Variants in PLPP4 observed in about 807,000 individuals in gnomAD.
PLPP4 encodes the protein phospholipid phosphatase 4, also known as diacylglycerol pyrophosphate like 2.
A neutral mutation model predicts 32.2 loss-of-function variants in PLPP4; 20 were observed. That is an observed-to-expected ratio of 0.62 (90% CI 0.44 to 0.90). The LOEUF (loss-of-function observed/expected upper bound fraction) is 0.90. PLPP4 is among the 40% of genes least tolerant of loss of function. The probability of loss-of-function intolerance (pLI) is 0.00; values close to 1 mark genes in which losing one functional copy is unlikely to be tolerated. For missense variants in PLPP4, 257 were observed against 353.1 expected (o/e 0.73, Z 2.18); for synonymous variants, 127 against 133.0 (o/e 0.95, Z 0.31).
At chr10:120,547,213 C>G (rs1847667047) in intron 5 of PLPP4, among the ~76,000 whole-genome samples, 1 of 150,900 alleles carries the variant, frequency 6.6e-6, no homozygotes, top group African/African-American at 2.4e-5. Context: ...TTAGTTAAAC[C>G]CTAATATTTC....
At chr10:120,466,855 C>G (rs924019793) in intron 1 of PLPP4, among the ~76,000 whole-genome samples, 2 of 152,142 alleles carry the variant, frequency 1.3e-5, no homozygotes, top group African/African-American at 4.8e-5. Flanking sequence ...GTGCTAAAGC[C>G]AGTCTCTTTT....
chr10:120,525,252 T>C (rs1846337489), intron 5 of PLPP4, among the ~76,000 whole-genome samples: 1 of 152,196 alleles, frequency 6.6e-6, no homozygotes, highest in Non-Finnish European at 1.5e-5. Context: ...TTTACTAACC[T>C]TGCAGTCGCC....
At chr10:120,549,472 A>AG (rs1847788004) in intron 5 of PLPP4, among the ~76,000 whole-genome samples, 1 of 151,898 alleles carries the variant, frequency 6.6e-6, no homozygotes, top group African/African-American at 2.4e-5. Flanking sequence ...CTTTCAAAAA[A>AG]GCCAGAAGAA....
intron 6 of PLPP4, among the ~76,000 whole-genome samples, chr10:120,579,868 G>T (rs1849400984): frequency 6.6e-6 from 1 of 151,678 alleles, no homozygotes; most frequent in Non-Finnish European, 1.5e-5. Flanking sequence ...AGCACTTTGG[G>T]AGGCCGAGGC....
intron 3 of PLPP4, among the ~76,000 whole-genome samples, chr10:120,517,172 A>G (rs910704919): frequency 1.3e-5 from 2 of 152,174 alleles, no homozygotes; most frequent in Admixed American, 1.3e-4. Context: ...TTGGCTAGGG[A>G]TGCTTGTTCC....
Position 120,504,622 on chromosome 10 carries a change from AAG to A in PLPP4, c.165+698_165+699del, listed in dbSNP as rs1341684227. Among the ~76,000 whole-genome samples the A allele has an allele frequency of 9.3e-4, 141 of 152,356 alleles. 3 individuals carry two copies. Among genetic ancestry groups the A allele is most frequent in the Non-Finnish European group, 1.3e-4 (9 of 68,038 alleles). ...CTAGTGCCTATTTTATTTTTAAACT[AAG>A]ACGAGCTTTGAAGAGGAACTTTTCT... On this transcript the variant is annotated intron_variant, in intron 2 of 6. Transcript: ENST00000398250.
intron 5 of PLPP4, among the ~76,000 whole-genome samples, chr10:120,570,691 C>A (rs1848894287): frequency 6.6e-6 from 1 of 152,088 alleles, no homozygotes; most frequent in Non-Finnish European, 1.5e-5. Context: ...ATGACTAGAC[C>A]TTTCTTTACA....
intron 1 of PLPP4, among the ~76,000 whole-genome samples, chr10:120,478,153 T>C (rs2182515): frequency 0.64 from 97,808 of 152,102 alleles, 34,227 homozygotes; most frequent in Admixed American, 0.77. Flanking sequence ...AAGGTGACAG[T>C]GGGCTTGTGT....
chr10:120,578,020 G>A (rs561552543), intron 6 of PLPP4, among the ~76,000 whole-genome samples: 4 of 152,320 alleles, frequency 2.6e-5, no homozygotes, highest in African/African-American at 9.6e-5. Flanking sequence ...GACTAGGGAT[G>A]CTACTAAATG....
chr10:120,561,060 A>G (rs1287124391), intron 5 of PLPP4, among the ~76,000 whole-genome samples: 1 of 152,208 alleles, frequency 6.6e-6, no homozygotes, highest in East Asian at 1.9e-4. Context: ...CTCTCACCAT[A>G]TAGGTAAACC....
chr10:120,577,569 A>C (rs1304424416), intron 6 of PLPP4, among the ~76,000 whole-genome samples: 1 of 152,232 alleles, frequency 6.6e-6, no homozygotes, highest in East Asian at 1.9e-4. Flanking sequence ...AACTATGAGC[A>C]GTCAAGGGAG....
At position 120,572,732 on chromosome 10, in the gene PLPP4, C is replaced by T. The variant is rs368969553; in HGVS notation, c.446-2399C>T. Reference sequence around the variant, plus strand: ...ATACCAATGGGATCCAACTCTCCAGCCTCCTCTCCCACTGGAATACCTCAA... The same window carrying T: ...ATACCAATGGGATCCAACTCTCCAGTCTCCTCTCCCACTGGAATACCTCAA... On this transcript the variant is annotated intron_variant, in intron 5 of 6. Coordinates refer to ENST00000398250, the MANE Select transcript of PLPP4 (RefSeq NM_001030059.3). Among the ~76,000 whole-genome samples the T allele has an allele frequency of 1.6e-4, 25 of 152,290 alleles. 1 individual carries two copies. Among genetic ancestry groups the T allele is most frequent in the African/African-American group, 6.0e-4 (25 of 41,570 alleles).
intron 1 of PLPP4, among the ~76,000 whole-genome samples, chr10:120,480,106 T>C (rs2133814485): frequency 6.6e-6 from 1 of 152,316 alleles, no homozygotes. Flanking sequence ...AGCTGCAGGG[T>C]TCAGGTGCTG....
intron 5 of PLPP4, among the ~76,000 whole-genome samples, chr10:120,536,940 T>C (rs1847058908): frequency 6.6e-6 from 1 of 152,134 alleles, no homozygotes; most frequent in African/African-American, 2.4e-5. Flanking sequence ...CCAACAGATA[T>C]ATTAACAGCA....
chr10:120,481,271 A>C (rs1406182009), intron 1 of PLPP4, among the ~76,000 whole-genome samples: 1 of 152,168 alleles, frequency 6.6e-6, no homozygotes, highest in Non-Finnish European at 1.5e-5. Context: ...ACCAGAATAC[A>C]AAAGGATGTG....
At chr10:120,547,668 C>T (rs184467439) in intron 5 of PLPP4, among the ~76,000 whole-genome samples, 49 of 152,214 alleles carry the variant, frequency 3.2e-4, no homozygotes, top group African/African-American at 9.4e-4. Flanking sequence ...CTGTATTTAT[C>T]GCAGTTTCAT....
intron 1 of PLPP4, among the ~76,000 whole-genome samples, chr10:120,499,620 A>C (rs1845144007): frequency 6.6e-6 from 1 of 152,148 alleles, no homozygotes; most frequent in Non-Finnish European, 1.5e-5. Flanking sequence ...CTTGTGACTC[A>C]AGGTTTGATC....
chr10:120,521,760 G>T (rs1477949888), intron 5 of PLPP4, among the ~76,000 whole-genome samples: 2 of 152,222 alleles, frequency 1.3e-5, no homozygotes, highest in Non-Finnish European at 2.9e-5. Flanking sequence ...TCCATTATTG[G>T]TTGGAATGAG....
At chr10:120,460,871 T>G (rs1485387735) in intron 1 of PLPP4, among the ~76,000 whole-genome samples, 1 of 152,216 alleles carries the variant, frequency 6.6e-6, no homozygotes, top group Non-Finnish European at 1.5e-5. Context: ...TTAGAAAGGT[T>G]GAGTAAGTTG....
Sources: allele counts gnomAD v4.1 joint callset (sites outside exome capture counted in the v4.1 genomes callset), GRCh38; gene constraint gnomAD v4.1.1; transcripts MANE v1.5; gene names NCBI Gene and HGNC (gene_info 2026-07-23, HGNC 2026-07-21).